ANAPC1: variants seen among roughly 807,000 people sequenced by gnomAD.
ANAPC1 encodes the protein anaphase-promoting complex subunit 1.
A neutral mutation model predicts 208.0 loss-of-function variants in ANAPC1; 36 were observed. The observed-to-expected ratio is 0.17, with a 90% CI of 0.13 to 0.23. ANAPC1 has a LOEUF of 0.23. ANAPC1 is among the 10% of genes least tolerant of loss of function. ANAPC1 has a pLI of 1.00. For synonymous variants in ANAPC1, 378 were observed against 695.2 expected, an observed-to-expected ratio of 0.54 and a Z score of 7.18; for missense variants, 942 against 2,011.6, an observed-to-expected ratio of 0.47 and a Z score of 10.17.
intron 18 of ANAPC1, among the ~76,000 whole-genome samples, chr2:111,837,301 TAGA>T (rs1393077266): frequency 8.5e-5 from 13 of 152,212 alleles, no homozygotes; most frequent in African/African-American, 2.4e-4. Flanking sequence ...CAGTGATTGC[TAGA>T]AGAAGAGAAT....
At chr2:111,845,693 A>G (rs1681015148) in intron 16 of ANAPC1, among the ~76,000 whole-genome samples, 1 of 152,052 alleles carries the variant, frequency 6.6e-6, no homozygotes, top group Admixed American at 6.5e-5. Flanking sequence ...TACCTTTTAG[A>G]GCCGGGCGCG....
intron 21 of ANAPC1, among the ~76,000 whole-genome samples, chr2:111,829,297 A>G (rs1680003264): frequency 2.0e-5 from 3 of 152,216 alleles, no homozygotes; most frequent in African/African-American, 7.2e-5. Flanking sequence ...TGTTTTTTAA[A>G]CAGAAACATC....
intron 21 of ANAPC1, among the ~76,000 whole-genome samples, chr2:111,826,510 C>T (rs1679839908): frequency 1.3e-5 from 2 of 152,140 alleles, no homozygotes; most frequent in Non-Finnish European, 2.9e-5. Context: ...GAGATTCATT[C>T]ACGTCTCTCC....
intron 3 of ANAPC1, among the ~76,000 whole-genome samples, chr2:111,877,898 T>A (rs1014545751): frequency 6.6e-6 from 1 of 152,204 alleles, no homozygotes; most frequent in East Asian, 1.9e-4. Context: ...TGCCTATATT[T>A]CCTATAAATA....
chr2:111,852,977 G>A (rs11685272), intron 13 of ANAPC1, among the ~76,000 whole-genome samples: 88,233 of 151,768 alleles, frequency 0.58, 26,584 homozygotes, highest in South Asian at 0.69. Flanking sequence ...AACAGAGAGA[G>A]ATACTGTATC....
intron 18 of ANAPC1, among the ~76,000 whole-genome samples, chr2:111,835,269 C>T (rs1234068891): frequency 1.3e-5 from 2 of 152,220 alleles, no homozygotes; most frequent in South Asian, 2.1e-4. Flanking sequence ...CACCTGCATT[C>T]AGCTGGTGTA....
At chr2:111,872,489 T>C (rs923090520) in intron 6 of ANAPC1, 141 bp downstream of exon 6, 19 of 652,906 alleles carry the variant, frequency 2.9e-5, no homozygotes, top group Non-Finnish European at 4.8e-5. Flanking sequence ...ACTCAACTTG[T>C]ACTGAGATGA....
At chr2:111,875,043 A>G (rs756178002) in intron 3 of ANAPC1, among the ~76,000 whole-genome samples, 1 of 152,208 alleles carries the variant, frequency 6.6e-6, no homozygotes, top group Non-Finnish European at 1.5e-5. Flanking sequence ...TTACATTCCC[A>G]TCAGCAATGC....
At chr2:111,794,790 T>A in intron 35 of ANAPC1, 28 bp downstream of exon 35, 1 of 1,046,228 alleles carries the variant, frequency 9.6e-7, no homozygotes, top group East Asian at 2.6e-5. Context: ...GACGCTAGGA[T>A]AGCTAATTTG....
chr2:111,792,152 A>C (rs930138589), intron 38 of ANAPC1, among the ~76,000 whole-genome samples: 91 of 151,068 alleles, frequency 6.0e-4, no homozygotes, highest in Non-Finnish European at 1.2e-3. Context: ...AGTGATGCTC[A>C]GTGTGTCAGA....
At chr2:111,883,333 G>A (rs1256417082) in intron 1 of ANAPC1, among the ~76,000 whole-genome samples, 2 of 151,872 alleles carry the variant, frequency 1.3e-5, no homozygotes, top group African/African-American at 4.8e-5. Flanking sequence ...TTATAACTTT[G>A]AGAGAAAATT....
In ANAPC1 at chr2:111,861,234, C is replaced by A. The variant is rs951395744; in HGVS notation, c.1262+1155G>T. On this transcript the variant is annotated intron_variant, in intron 10 of 47. Transcript: ENST00000341068. ...GGGACTACAGATGCACGCCATCATG[C>A]CTGGCTAATTTTTGTATTTGTAGTA... is the stretch of plus-strand genomic sequence containing the variant. Among the ~76,000 whole-genome samples, 18 of 152,150 alleles carry A rather than the reference C, an allele frequency of 1.2e-4. 1 individual carries two copies. Among genetic ancestry groups the A allele is most frequent in the Admixed American group, 7.9e-4 (12 of 15,262 alleles).
At position 111,799,913 on chromosome 2, in the gene ANAPC1, C is replaced by T. The variant is rs1166653902; in HGVS notation, c.4296+884G>A. ...AGGGAAGGGGCACAAGGGATAGAGG[C>T]TGGTTTCCACAGGTCTATGTGTTAG... On this transcript the variant is annotated intron_variant, in intron 34 of 47. Transcript: ENST00000341068. Among the ~76,000 whole-genome samples the T allele has an allele frequency of 5.8e-5, 5 of 86,300 alleles. 1 individual carries two copies. Among genetic ancestry groups the T allele is most frequent in the Admixed American group, 2.5e-4 (2 of 7,900 alleles). The allele number at this position is 86,300 out of a possible 152,430, so 56.6% of individuals were successfully genotyped here.
chr2:111,816,818 AAAGT>A (rs1199269291), intron 27 of ANAPC1, among the ~76,000 whole-genome samples: 1 of 132,352 alleles, frequency 7.6e-6, no homozygotes, highest in African/African-American at 2.9e-5. Context: ...CACAAAGCAC[AAAGT>A]AAGACTTATT....
At chr2:111,877,528 G>C (rs953670543) in intron 3 of ANAPC1, among the ~76,000 whole-genome samples, 91 of 152,190 alleles carry the variant, frequency 6.0e-4, no homozygotes, top group Non-Finnish European at 1.0e-4. Context: ...TGTAATCCCA[G>C]CACTTTGGGA....
intron 19 of ANAPC1, among the ~76,000 whole-genome samples, 159 bp from the exon 20 acceptor site, chr2:111,833,470 C>T (rs1188774388): frequency 2.7e-5 from 4 of 148,490 alleles, no homozygotes; most frequent in African/African-American, 7.3e-5. Flanking sequence ...CTTTAAAGTG[C>T]CCAGTGTGAC....
rs1197338150 is a variant in ANAPC1, at chr2:111,821,328, C to A, written c.3117G>T (p.Arg1039Ser). Residue 1039 changes from arginine to serine, a missense_variant, in exon 26 of 48, where the codon AGG becomes AGT. Physicochemically the swap from Arg to Ser is moderately radical, Grantham distance 110. Transcript: ENST00000341068. ...SEDLRVQDVRRLLQSAHPVRV... is the reference protein window; with the variant it reads ...SEDLRVQDVRSLLQSAHPVRV... ...GGACAGGATGCGCACTCTGAAGAAG[C>A]CTTCGCACATCCTGCACCCTTAAAT... is the stretch of plus-strand genomic sequence containing the variant. The A allele has an allele frequency of 4.3e-6, 7 of 1,611,588 alleles. No homozygotes were observed. In the Admixed American group the frequency reaches 8.3e-5, roughly 19 times the overall value.
At chr2:111,846,538 T>C (rs1209889987) in intron 16 of ANAPC1, among the ~76,000 whole-genome samples, 1 of 44,760 alleles carries the variant, frequency 2.2e-5, no homozygotes, top group African/African-American at 1.5e-4. Context: ...CATATACATA[T>C]ATATATATAT....
At chr2:111,788,862 T>C (rs866328768) in intron 38 of ANAPC1, among the ~76,000 whole-genome samples, 1 of 151,924 alleles carries the variant, frequency 6.6e-6, no homozygotes, top group African/African-American at 2.4e-5. Flanking sequence ...AACGAGGCCA[T>C]GCGCGGTGGC....
Sources: allele counts gnomAD v4.1 joint callset (sites outside exome capture counted in the v4.1 genomes callset), GRCh38; gene constraint gnomAD v4.1.1; transcripts MANE v1.5; gene names NCBI Gene and HGNC (gene_info 2026-07-23, HGNC 2026-07-21).